Variants in CRYL1 observed in about 807,000 individuals in gnomAD.
The protein encoded by CRYL1 is lambda-crystallin homolog.
A neutral mutation model predicts 36.6 loss-of-function variants in CRYL1; 29 were observed. That is an observed-to-expected ratio of 0.79 (90% CI 0.59 to 1.08). CRYL1 has a LOEUF of 1.08. Among genes scored for constraint, CRYL1 ranks in the 50% least tolerant of loss-of-function variants. The pLI, the probability that CRYL1 is intolerant of heterozygous loss-of-function variation, is 0.00. For synonymous variants in CRYL1, 152 were observed against 151.5 expected (o/e 1.00, Z -0.02); for missense variants, 411 against 407.9 (o/e 1.01, Z -0.06).
In CRYL1 at chr13:20,435,781, C is replaced by A. The variant is rs1054483494; in HGVS notation, c.439-3485G>T. On this transcript the variant is annotated intron_variant, in intron 4 of 7. Transcript: ENST00000298248. This position sits in a 1 kb window ranked among gnomAD's most constrained non-coding sequence, Gnocchi z 4.0. Reference sequence around the variant, plus strand: ...GGGCCCCATGTGACCGCGCCGACAGCGCGGCTGCCCACAGAGACTCCCTTC... The same window carrying A: ...GGGCCCCATGTGACCGCGCCGACAGAGCGGCTGCCCACAGAGACTCCCTTC... Among the ~76,000 whole-genome samples, 17 of 152,204 alleles carry A rather than the reference C, an allele frequency of 1.1e-4. No homozygotes were observed. Among genetic ancestry groups the A allele is most frequent in the African/African-American group, 4.1e-4 (17 of 41,476 alleles).
intron 1 of CRYL1, among the ~76,000 whole-genome samples, 199 bp from the exon 2 acceptor site, chr13:20,512,749 T>G (rs930733104): frequency 6.6e-6 from 1 of 152,062 alleles, no homozygotes; most frequent in South Asian, 2.1e-4. Context: ...CTGAAAACAT[T>G]GATCTGATGA....
At chr13:20,444,375 A>G (rs920618472) in intron 3 of CRYL1, among the ~76,000 whole-genome samples, 16 of 152,220 alleles carry the variant, frequency 1.1e-4, no homozygotes, top group Non-Finnish European at 1.8e-4. Flanking sequence ...CAAAGTAAAA[A>G]TCAGTGTAGA....
At chr13:20,518,329 A>T (rs1290733444) in intron 1 of CRYL1, among the ~76,000 whole-genome samples, 3 of 152,144 alleles carry the variant, frequency 2.0e-5, no homozygotes, top group Non-Finnish European at 4.4e-5. Context: ...GCCACCAGGG[A>T]CTGTCTCACT....
At position 20,413,295 on chromosome 13, in the gene CRYL1, A is replaced by G. The variant is rs562221794; in HGVS notation, c.726T>C (p.His242=). ...CCAGATGCATACCTTCTGCATTGAG[A>G]TGCATGGTTTCCAGGGGTCCAATGA... ...YAFIGPLETM[H]LNAEGMLSYC... is the part of the protein sequence containing the mutation. Residue 242 remains histidine, a synonymous_variant, in exon 6 of 8, where the codon CAT becomes CAC. Coordinates refer to ENST00000298248, the MANE Select transcript of CRYL1 (RefSeq NM_015974.3). 9 of 1,610,464 alleles carry G rather than the reference A, an allele frequency of 5.6e-6. No individual in the cohort carries two copies. In the South Asian group the frequency reaches 8.8e-5, roughly 16 times the overall value.
At chr13:20,405,266 G>A (rs936753744) in intron 6 of CRYL1, among the ~76,000 whole-genome samples, 7 of 150,134 alleles carry the variant, frequency 4.7e-5, no homozygotes, top group African/African-American at 1.2e-4. Flanking sequence ...GCGAGACTCC[G>A]TCTCAAAAAA....
At chr13:20,520,838 G>A (rs2034081406) in intron 1 of CRYL1, among the ~76,000 whole-genome samples, 1 of 152,174 alleles carries the variant, frequency 6.6e-6, no homozygotes, top group South Asian at 2.1e-4. Context: ...GGGCACGGTG[G>A]CTCACGCCTG....
chr13:20,413,080 G>C (rs1359767360), intron 6 of CRYL1, among the ~76,000 whole-genome samples: 3 of 152,150 alleles, frequency 2.0e-5, no homozygotes, highest in Non-Finnish European at 4.4e-5. Flanking sequence ...ACGGAGCCCT[G>C]AGGTGCATGC....
chr13:20,486,163 G>A (rs577322730), intron 3 of CRYL1, among the ~76,000 whole-genome samples: 18 of 152,002 alleles, frequency 1.2e-4, no homozygotes, highest in South Asian at 4.2e-4. Flanking sequence ...CGAGCAATCC[G>A]CCACCCTCAG....
chr13:20,468,954 G>A (rs1206072001), intron 3 of CRYL1, among the ~76,000 whole-genome samples: 2 of 152,076 alleles, frequency 1.3e-5, no homozygotes, highest in Admixed American at 6.6e-5. Flanking sequence ...GTCGGAGAGC[G>A]ATCACCTTAG....
At chr13:20,438,403 T>C (rs964987167) in intron 4 of CRYL1, among the ~76,000 whole-genome samples, 1 of 152,186 alleles carries the variant, frequency 6.6e-6, no homozygotes, top group Non-Finnish European at 1.5e-5. Context: ...AGGACCTTCA[T>C]GTTACCCTCC....
rs1159316254 is a variant in CRYL1 at position 20,412,250 on chromosome 13, T to C, written c.739+1032A>G. ...TGCCATTTCCAGTCTTTCACTCCACTTCCGCCCCCACAAAACATACAGACC... is the reference window on the plus strand; with the variant it reads ...TGCCATTTCCAGTCTTTCACTCCACCTCCGCCCCCACAAAACATACAGACC... On this transcript the variant is annotated intron_variant, in intron 6 of 7. Transcript: ENST00000298248. Among the ~76,000 whole-genome samples the C allele has an allele frequency of 2.0e-5, 3 of 152,188 alleles. No homozygotes were observed. The East Asian group carries it at 5.8e-4, about 29-fold the overall frequency.
At chr13:20,434,868 C>CA (rs1245074161) in intron 4 of CRYL1, among the ~76,000 whole-genome samples, 2 of 151,558 alleles carry the variant, frequency 1.3e-5, no homozygotes, top group East Asian at 1.9e-4. Flanking sequence ...ACTCTTCTCT[C>CA]AAAAAAATCA....
chr13:20,413,346 T>A lies in CRYL1; in HGVS notation c.675A>T (p.Ser225=). ...ATGCATACCGCATGCCCAACCCTTC[T>A]GACATGACAAGGTCCAGGTCACTAG... ...VSPSDLDLVM[S]EGLGMRYAFI... is the part of the protein sequence containing the mutation. Residue 225 remains serine, a synonymous_variant, in exon 6 of 8, where the codon TCA becomes TCT. Transcript: ENST00000298248. 3 of 1,613,852 alleles carry A rather than the reference T, an allele frequency of 1.9e-6. No homozygotes were observed. Among genetic ancestry groups the A allele is most frequent in the Non-Finnish European group, 2.5e-6 (3 of 1,179,892 alleles).
At chr13:20,477,553 G>A (rs1431444818) in intron 3 of CRYL1, among the ~76,000 whole-genome samples, 1 of 150,090 alleles carries the variant, frequency 6.7e-6, no homozygotes, top group Admixed American at 6.7e-5. Context: ...GCATAAAATG[G>A]GCGGCACAGG....
At chr13:20,430,110 C>A (rs1287862854) in intron 5 of CRYL1, 1 of 785,266 alleles carries the variant, frequency 1.3e-6, no homozygotes, top group African/African-American at 1.9e-5. Flanking sequence ...AGTGCCATTC[C>A]CACCCCACCC....
rs1447372051 is a variant in CRYL1, at chr13:20,481,247, G to C, written c.276+8123C>G. 5.3e-5 allele frequency among the ~76,000 whole-genome samples: 8 copies of C among 152,292 alleles called. No homozygotes were observed. Among genetic ancestry groups the C allele is most frequent in the African/African-American group, 1.9e-4 (8 of 41,568 alleles). ...CCAGAGTCCCACGCACCTTAGTAAT[G>C]TCATACCACTCAGCAACAAATTACC... On this transcript the variant is annotated intron_variant, in intron 3 of 7. Coordinates refer to ENST00000298248, the MANE Select transcript of CRYL1 (RefSeq NM_015974.3). The surrounding 1 kb of genome is among the most constrained non-coding windows in gnomAD (Gnocchi z 4.1).
chr13:20,444,759 C>T (rs1365515701), intron 3 of CRYL1, among the ~76,000 whole-genome samples: 1 of 152,214 alleles, frequency 6.6e-6, no homozygotes, highest in Non-Finnish European at 1.5e-5. Context: ...CTCTATCACC[C>T]AGGCTGGAGT....
At chr13:20,466,429 G>C (rs558055364) in intron 3 of CRYL1, among the ~76,000 whole-genome samples, 1 of 152,178 alleles carries the variant, frequency 6.6e-6, no homozygotes. Context: ...TTAAAGAGTT[G>C]TTATAAATCA....
chr13:20,490,955 G>C (rs2033499655), intron 2 of CRYL1, among the ~76,000 whole-genome samples: 1 of 152,130 alleles, frequency 6.6e-6, no homozygotes, highest in South Asian at 2.1e-4. Context: ...GCCCAGGCTG[G>C]AGTGCAGTGG....
Sources: gnomAD v4.1 joint callset for allele counts (sites outside exome capture counted in the v4.1 genomes callset) on GRCh38, gnomAD v4.1.1 for gene constraint, Gnocchi (gnomAD v3.1) non-coding constraint, MANE v1.5 for transcripts, NCBI Gene and HGNC (gene_info 2026-07-23, HGNC 2026-07-21) for gene names.